Variants in WWTR1 observed in about 807,000 individuals in gnomAD.
WWTR1 encodes WW domain containing transcription regulator 1, also known as WW domain-containing transcription regulator protein 1.
In WWTR1, 13 loss-of-function variants were observed where a neutral mutation model predicts 40.1. That is an observed-to-expected ratio of 0.32 (90% CI 0.21 to 0.52). The LOEUF (loss-of-function observed/expected upper bound fraction) is 0.52, where lower values mean the gene tolerates loss of function less well. WWTR1 is among the 20% of genes least tolerant of loss of function. The pLI is 0.97. For synonymous variants in WWTR1, 230 were observed against 210.1 expected (o/e 1.09, Z -0.82); for missense variants, 436 against 523.1 (o/e 0.83, Z 1.63).
intron 2 of WWTR1, among the ~76,000 whole-genome samples, chr3:149,625,938 T>C (rs556023658): frequency 6.6e-6 from 1 of 152,272 alleles, no homozygotes; most frequent in South Asian, 2.1e-4. Flanking sequence ...GAGTTTACCA[T>C]TTAAGTACCT....
chr3:149,617,680 G>C (rs1740051263), intron 2 of WWTR1, among the ~76,000 whole-genome samples: 1 of 152,148 alleles, frequency 6.6e-6, no homozygotes, highest in African/African-American at 2.4e-5. Context: ...CATGCCTGTA[G>C]TCCCAGCTAC....
At chr3:149,686,069 G>A (rs544989603) in intron 1 of WWTR1, among the ~76,000 whole-genome samples, 1 of 152,258 alleles carries the variant, frequency 6.6e-6, no homozygotes, top group Non-Finnish European at 1.5e-5. Flanking sequence ...ACAAATAACA[G>A]AAAGCCCTAT....
chr3:149,723,257 C>T (rs111317350), intron 4 of WWTR1, among the ~76,000 whole-genome samples: 3,487 of 141,102 alleles, frequency 0.025, 132 homozygotes, highest in African/African-American at 0.087. Flanking sequence ...GGCACGATCT[C>T]GGCTCACCAC....
chr3:149,624,090 T>A lies in WWTR1; in HGVS notation c.431+32786A>T, dbSNP rs16862059. 7.5e-3 allele frequency among the ~76,000 whole-genome samples: 1,137 copies of A among 152,282 alleles called. 12 individuals carry two copies. The highest frequency in any genetic ancestry group is 0.026 in the African/African-American group (1,087 of 41,554). ...ACCATGACCACTTCCATTGAGGAAC[T>A]AAATCTTTCTCCATTCTAACTCTGT... On this transcript the variant is annotated intron_variant, in intron 2 of 6. Coordinates refer to ENST00000360632, the MANE Select transcript of WWTR1 (RefSeq NM_015472.6).
intron 2 of WWTR1, among the ~76,000 whole-genome samples, chr3:149,647,347 G>T (rs1712588999): frequency 6.6e-6 from 1 of 152,054 alleles, no homozygotes; most frequent in Non-Finnish European, 1.5e-5. Flanking sequence ...GAACTTTCGA[G>T]TTTAGAAAAT....
At chr3:149,603,582 C>T (rs1437033785) in intron 2 of WWTR1, among the ~76,000 whole-genome samples, 1 of 145,020 alleles carries the variant, frequency 6.9e-6, no homozygotes, top group Non-Finnish European at 1.5e-5. Context: ...TAATTACATT[C>T]TCCATCCCCC....
At chr3:149,641,199 T>C (rs1227117552) in intron 2 of WWTR1, among the ~76,000 whole-genome samples, 1 of 152,198 alleles carries the variant, frequency 6.6e-6, no homozygotes, top group Non-Finnish European at 1.5e-5. Context: ...TCAGTAAATA[T>C]GATCTTTCGC....
At chr3:149,625,767 G>A (rs952519999) in intron 2 of WWTR1, among the ~76,000 whole-genome samples, 1 of 151,664 alleles carries the variant, frequency 6.6e-6, no homozygotes, top group Non-Finnish European at 1.5e-5. Context: ...CTCCAGCCTG[G>A]GCGACACAGC....
rs763297515 is a variant in WWTR1, at chr3:149,517,343, G to A, written c.*3462C>T. ...CTGATCGATTTGGCTGCATACTTTC[G>A]GTACGTATAACATTCTAAACTTAAA... is the stretch of plus-strand genomic sequence containing the variant. On this transcript the variant is annotated 3_prime_UTR_variant, in exon 7 of 7. Transcript: ENST00000360632. The A allele has an allele frequency of 2.0e-5, 3 of 151,932 alleles. No homozygotes were observed. Among genetic ancestry groups the A allele is most frequent in the Admixed American group, 6.6e-5 (1 of 15,242 alleles). 9.4% of individuals were successfully genotyped at this position (151,932 alleles called of 1,614,324 possible).
chr3:149,572,815 C>T lies in WWTR1; in HGVS notation c.568+49G>A, dbSNP rs569940256. On this transcript the variant is annotated intron_variant, in intron 3 of 6. Transcript: ENST00000360632. Reference sequence around the variant, plus strand: ...TGGGCAACAAAGGGAGACCCCAACTCTACAAAAAAAAAATATCTTTTTTAA... The same window carrying T: ...TGGGCAACAAAGGGAGACCCCAACTTTACAAAAAAAAAATATCTTTTTTAA... 31 of 1,589,704 alleles carry T rather than the reference C, an allele frequency of 2.0e-5. No homozygotes were observed. In the Admixed American group the frequency reaches 3.1e-4, roughly 16 times the overall value.
At chr3:149,662,849 C>T (rs1007815561), upstream of WWTR1, among the ~76,000 whole-genome samples, 2 of 152,098 alleles carry the variant, frequency 1.3e-5, no homozygotes, top group Non-Finnish European at 2.9e-5. Context: ...AGGCTCTGAC[C>T]CAAGCATATT....
chr3:149,697,148 A>G (rs1373330473), intron 1 of WWTR1, among the ~76,000 whole-genome samples: 2 of 151,732 alleles, frequency 1.3e-5, no homozygotes, highest in Non-Finnish European at 2.9e-5. Context: ...TATAAATAAA[A>G]GAGGTTTAAT....
At chr3:149,534,824 A>G (rs1217155295) in intron 4 of WWTR1, among the ~76,000 whole-genome samples, 1 of 152,236 alleles carries the variant, frequency 6.6e-6, no homozygotes, top group East Asian at 1.9e-4. Flanking sequence ...GGGCTAAAAA[A>G]TACCCTTTCC....
chr3:149,643,821 C>G (rs1230352719), intron 2 of WWTR1, among the ~76,000 whole-genome samples: 2 of 152,198 alleles, frequency 1.3e-5, no homozygotes, highest in African/African-American at 4.8e-5. Flanking sequence ...GAGAAACACA[C>G]CACAGAGCTA....
chr3:149,638,629 T>G (rs1711973053), intron 2 of WWTR1, among the ~76,000 whole-genome samples: 1 of 151,586 alleles, frequency 6.6e-6, no homozygotes, highest in Non-Finnish European at 1.5e-5. Flanking sequence ...CCATCCTTCT[T>G]AGTGTAAGTT....
intron 5 of WWTR1, among the ~76,000 whole-genome samples, chr3:149,714,436 C>T (rs1438673598): frequency 6.6e-6 from 1 of 152,250 alleles, no homozygotes; most frequent in East Asian, 1.9e-4. Flanking sequence ...AGCGCCCCCT[C>T]GGATCTCAGA....
chr3:149,592,325 A>G (rs752770959), intron 2 of WWTR1, among the ~76,000 whole-genome samples: 3 of 152,336 alleles, frequency 2.0e-5, no homozygotes, highest in South Asian at 2.1e-4. Flanking sequence ...GTTGCAAAAT[A>G]TACTATTTAT....
chr3:149,625,758 T>TGCA (rs1560091375), intron 2 of WWTR1, among the ~76,000 whole-genome samples: 2 of 151,280 alleles, frequency 1.3e-5, no homozygotes, highest in East Asian at 3.9e-4. Flanking sequence ...ACCACTGTAC[T>TGCA]CCAGCCTGGG....
At chr3:149,523,449 T>C (rs984322561) in intron 6 of WWTR1, among the ~76,000 whole-genome samples, 1 of 152,142 alleles carries the variant, frequency 6.6e-6, no homozygotes, top group Non-Finnish European at 1.5e-5. Context: ...GATTTCTCCA[T>C]GTTGGTCAGG....
Sources: gnomAD v4.1 joint callset for allele counts (sites outside exome capture counted in the v4.1 genomes callset) on GRCh38, gnomAD v4.1.1 for gene constraint, MANE v1.5 for transcripts, NCBI Gene and HGNC (gene_info 2026-07-23, HGNC 2026-07-21) for gene names.